MARCHF1: variants seen among roughly 807,000 people sequenced by gnomAD.
MARCHF1 encodes membrane associated ring-CH-type finger 1.
MARCHF1 carries 40 observed loss-of-function variants against 54.2 expected under a neutral mutation model. The ratio of observed to expected loss-of-function variants is 0.74; its 90% CI spans 0.57 to 0.96. The LOEUF (loss-of-function observed/expected upper bound fraction) is 0.96. Among genes scored for constraint, MARCHF1 ranks in the 40% least tolerant of loss-of-function variants. MARCHF1 has a pLI of 0.00. For synonymous variants in MARCHF1, 236 were observed against 236.3 expected, an observed-to-expected ratio of 1.00 and a Z score of 0.01; for missense variants, 586 against 656.5, an observed-to-expected ratio of 0.89 and a Z score of 1.17.
At chr4:164,142,146 T>A (rs990504368) in intron 1 of MARCHF1, among the ~76,000 whole-genome samples, 1 of 152,144 alleles carries the variant, frequency 6.6e-6, no homozygotes, top group South Asian at 2.1e-4. Flanking sequence ...GGAGAATATA[T>A]CCTGCACCTG....
At position 164,058,773 on chromosome 4, in the gene MARCHF1, G is replaced by A. The variant is rs935420659; in HGVS notation, c.-248+52815C>T. ...AAAGATTTTGTGGAAAACCATGGTG[G>A]AAAGGGGTAGTGGAAAATATTTTGG... On this transcript the variant is annotated intron_variant, in intron 2 of 9. Transcript: ENST00000514618. Among the ~76,000 whole-genome samples the A allele has an allele frequency of 9.9e-5, 15 of 152,254 alleles. No individual in the cohort carries two copies. In the South Asian group the frequency reaches 1.9e-3, roughly 19 times the overall value.
At chr4:164,225,669 A>T (rs1435704025) in intron 1 of MARCHF1, among the ~76,000 whole-genome samples, 2 of 152,024 alleles carry the variant, frequency 1.3e-5, no homozygotes, top group Non-Finnish European at 1.5e-5. Context: ...AAATTTAAAA[A>T]ATTAAAAGCT....
chr4:164,054,126 A>G (rs1460621767), intron 2 of MARCHF1, among the ~76,000 whole-genome samples: 1 of 151,198 alleles, frequency 6.6e-6, no homozygotes, highest in Non-Finnish European at 1.5e-5. Context: ...ACATGAACAA[A>G]CACTTCTCAA....
At chr4:164,270,047 T>C (rs1463334377) in intron 1 of MARCHF1, among the ~76,000 whole-genome samples, 1 of 152,138 alleles carries the variant, frequency 6.6e-6, no homozygotes. Flanking sequence ...CTCATAGTAT[T>C]TATAGTAAAA....
chr4:164,245,671 C>G (rs570246932), intron 1 of MARCHF1, among the ~76,000 whole-genome samples: 1 of 151,810 alleles, frequency 6.6e-6, no homozygotes, highest in East Asian at 1.9e-4. Flanking sequence ...TCCCTCTTTG[C>G]AGATGACATG....
intron 1 of MARCHF1, among the ~76,000 whole-genome samples, chr4:164,276,681 T>TA: frequency 6.6e-6 from 1 of 151,000 alleles, no homozygotes; most frequent in East Asian, 1.9e-4. Context: ...TGTATACAAT[T>TA]ATGGTTTTTC....
chr4:164,183,124 T>C (rs1730876892), intron 1 of MARCHF1, among the ~76,000 whole-genome samples: 1 of 152,094 alleles, frequency 6.6e-6, no homozygotes, highest in South Asian at 2.1e-4. Context: ...GTTTGATCAC[T>C]AAATTTTAAC....
chr4:163,804,679 G>A (rs1050186335), intron 4 of MARCHF1, among the ~76,000 whole-genome samples: 2 of 152,276 alleles, frequency 1.3e-5, no homozygotes, highest in South Asian at 2.1e-4. Flanking sequence ...GTAATGAAAT[G>A]ACATTCCATG....
chr4:164,315,692 G>C (rs1341978119), intron 1 of MARCHF1, among the ~76,000 whole-genome samples: 2 of 152,124 alleles, frequency 1.3e-5, no homozygotes, highest in African/African-American at 4.8e-5. Flanking sequence ...AAGAAATTCT[G>C]TTTTTCACAA....
At chr4:163,602,920 C>T (rs576495675) in intron 7 of MARCHF1, among the ~76,000 whole-genome samples, 131 of 152,136 alleles carry the variant, frequency 8.6e-4, no homozygotes, top group South Asian at 2.7e-3. Flanking sequence ...ATGAGTCTGA[C>T]TGATTAAATA....
intron 2 of MARCHF1, among the ~76,000 whole-genome samples, chr4:164,030,259 G>GA (rs879263530): frequency 2.0e-5 from 3 of 151,074 alleles, no homozygotes; most frequent in Admixed American, 2.0e-4. Flanking sequence ...GCTTTTTTTG[G>GA]AAAAAAATTA....
intron 4 of MARCHF1, among the ~76,000 whole-genome samples, chr4:163,853,190 G>A (rs1389692): frequency 0.98 from 149,380 of 152,320 alleles, 73,297 homozygotes; most frequent in Middle Eastern, 1. Flanking sequence ...AAAACAAAAT[G>A]AACAGTAAAA....
chr4:163,977,296 G>A (rs922064987), intron 3 of MARCHF1, among the ~76,000 whole-genome samples: 2 of 152,034 alleles, frequency 1.3e-5, no homozygotes, highest in African/African-American at 2.4e-5. Context: ...AATTCAAGAA[G>A]AGAAGAAAAC....
At chr4:163,933,687 A>C (rs1316969334) in intron 3 of MARCHF1, among the ~76,000 whole-genome samples, 4 of 152,244 alleles carry the variant, frequency 2.6e-5, no homozygotes, top group Non-Finnish European at 5.9e-5. Context: ...CCTTTCAATA[A>C]GCAACTTTTC....
At chr4:163,666,499 T>A (rs1743537957) in intron 5 of MARCHF1, among the ~76,000 whole-genome samples, 2 of 152,248 alleles carry the variant, frequency 1.3e-5, no homozygotes, top group African/African-American at 4.8e-5. Flanking sequence ...CAGAATTTTT[T>A]AAGGAAGTAC....
chr4:164,173,066 C>T (rs1188681035), intron 1 of MARCHF1, among the ~76,000 whole-genome samples: 1 of 151,184 alleles, frequency 6.6e-6, no homozygotes, highest in Non-Finnish European at 1.5e-5. Context: ...TGTTAAACTA[C>T]AATTTGCAAG....
chr4:163,942,231 T>G lies in MARCHF1; in HGVS notation c.-39+46270A>C, dbSNP rs75717720. ...AAGTGACCAACTCCACCGTGTCCAA[T>G]TTGGAAGTTATTCTCAAAGTACACC... On this transcript the variant is annotated intron_variant, in intron 3 of 9. Coordinates refer to ENST00000514618, the MANE Select transcript of MARCHF1 (RefSeq NM_001394959.1). Among the ~76,000 whole-genome samples the G allele has an allele frequency of 0.018, 2,765 of 152,310 alleles. 155 individuals are homozygous for G. In the East Asian group the frequency reaches 0.21, roughly 11 times the overall value.
At chr4:164,315,736 G>A (rs1415251543) in intron 1 of MARCHF1, among the ~76,000 whole-genome samples, 1 of 152,180 alleles carries the variant, frequency 6.6e-6, no homozygotes, top group Non-Finnish European at 1.5e-5. Context: ...GGTATTGGGA[G>A]ACTGTTAGTT....
chr4:164,128,303 TTAAAA>T (rs1756229061), intron 1 of MARCHF1, among the ~76,000 whole-genome samples: 1 of 152,050 alleles, frequency 6.6e-6, no homozygotes, highest in African/African-American at 2.4e-5. Flanking sequence ...ACCTGTATAT[TTAAAA>T]TACAGATTTT....
Sources: allele counts gnomAD v4.1 joint callset (sites outside exome capture counted in the v4.1 genomes callset), GRCh38; gene constraint gnomAD v4.1.1; transcripts MANE v1.5; gene names NCBI Gene and HGNC (gene_info 2026-07-23, HGNC 2026-07-21).